Variants in CNTNAP2 observed in about 807,000 individuals in gnomAD.
The protein encoded by CNTNAP2 is contactin associated protein 2.
Under a neutral mutation model 155.2 loss-of-function variants are expected in CNTNAP2, and 98 were observed. The ratio of observed to expected loss-of-function variants is 0.63; its 90% CI spans 0.54 to 0.75. CNTNAP2 has a LOEUF of 0.75. CNTNAP2 is among the 30% of genes least tolerant of loss of function. The probability of loss-of-function intolerance (pLI) is 0.00; values close to 1 mark genes in which losing one functional copy is unlikely to be tolerated. For missense variants in CNTNAP2, 1,727 were observed against 1,688.1 expected, an observed-to-expected ratio of 1.02 and a Z score of -0.40; for synonymous variants, 651 against 631.2, an observed-to-expected ratio of 1.03 and a Z score of -0.47.
chr7:148,306,766 GGTGTGTGT>G (rs150027065), intron 21 of CNTNAP2, among the ~76,000 whole-genome samples: 3 of 149,714 alleles, frequency 2.0e-5, no homozygotes. Context: ...TTGGTTGGTT[GGTGTGTGT>G]GTGTGTGTGT....
intron 8 of CNTNAP2, among the ~76,000 whole-genome samples, chr7:147,157,281 T>C (rs1157865372): frequency 1.3e-5 from 2 of 152,132 alleles, no homozygotes. Context: ...TCTGTTGACA[T>C]GCAAATATTT....
chr7:147,464,053 G>A (rs974938929), intron 10 of CNTNAP2, among the ~76,000 whole-genome samples: 8 of 150,370 alleles, frequency 5.3e-5, no homozygotes, highest in South Asian at 2.1e-4. Flanking sequence ...CAATACATAT[G>A]TGTGTGCTTG....
At chr7:146,323,753 A>G (rs1376868926) in intron 1 of CNTNAP2, among the ~76,000 whole-genome samples, 1 of 152,172 alleles carries the variant, frequency 6.6e-6, no homozygotes, top group Non-Finnish European at 1.5e-5. Context: ...ATCCTGAAGG[A>G]ATAGCTTGTA....
At chr7:147,141,069 T>C (rs946083093) in intron 8 of CNTNAP2, among the ~76,000 whole-genome samples, 2 of 152,198 alleles carry the variant, frequency 1.3e-5, no homozygotes, top group Non-Finnish European at 2.9e-5. Flanking sequence ...TATCTTGCTA[T>C]GGCTCCAATA....
chr7:147,909,760 A>T (rs1021432148), intron 14 of CNTNAP2, among the ~76,000 whole-genome samples: 3 of 152,218 alleles, frequency 2.0e-5, no homozygotes, highest in African/African-American at 7.2e-5. Context: ...TGAAATTATC[A>T]GGGAAAGAAT....
intron 13 of CNTNAP2, among the ~76,000 whole-genome samples, chr7:147,834,458 C>T (rs1798603176): frequency 6.6e-6 from 1 of 152,108 alleles, no homozygotes; most frequent in East Asian, 1.9e-4. Flanking sequence ...GTAAAAATAC[C>T]CTCGTAATTC....
At chr7:146,470,498 T>C (rs1796781576) in intron 1 of CNTNAP2, among the ~76,000 whole-genome samples, 3 of 152,204 alleles carry the variant, frequency 2.0e-5, no homozygotes, top group Non-Finnish European at 4.4e-5. Flanking sequence ...GCCTCTTCTT[T>C]CCTGAATGAA....
chr7:147,416,263 C>T (rs1797191949), intron 10 of CNTNAP2, among the ~76,000 whole-genome samples: 1 of 152,180 alleles, frequency 6.6e-6, no homozygotes, highest in Non-Finnish European at 1.5e-5. Flanking sequence ...ATTAAGGCCA[C>T]ACAGCCTGAA....
At chr7:146,274,846 T>C (rs1800139356) in intron 1 of CNTNAP2, among the ~76,000 whole-genome samples, 1 of 152,208 alleles carries the variant, frequency 6.6e-6, no homozygotes, top group Non-Finnish European at 1.5e-5. Context: ...TGGGCTTTTG[T>C]TCCTTGTCTT....
intron 2 of CNTNAP2, among the ~76,000 whole-genome samples, chr7:146,779,040 TG>T (rs896429783): frequency 2.0e-5 from 3 of 152,162 alleles, no homozygotes; most frequent in African/African-American, 7.2e-5. Context: ...GAGCAGGTGC[TG>T]GGGAAGAAGT....
chr7:147,853,119 C>T (rs1798978720), intron 13 of CNTNAP2, among the ~76,000 whole-genome samples: 1 of 152,174 alleles, frequency 6.6e-6, no homozygotes, highest in African/African-American at 2.4e-5. Context: ...TTCATTGTCT[C>T]CTAATGTCAT....
At chr7:147,105,783 T>A (rs1232222701) in intron 4 of CNTNAP2, among the ~76,000 whole-genome samples, 1 of 152,066 alleles carries the variant, frequency 6.6e-6, no homozygotes, top group African/African-American at 2.4e-5. Flanking sequence ...TGGGAAAATA[T>A]GTTGAAACTT....
In CNTNAP2 at chr7:146,725,084, C is replaced by T. The variant is rs770200866; in HGVS notation, c.98-49187C>T. Among the ~76,000 whole-genome samples the T allele has an allele frequency of 7.8e-4, 118 of 152,084 alleles. 7 individuals are homozygous for T. Among genetic ancestry groups the T allele is most frequent in the Non-Finnish European group, 2.1e-4 (14 of 67,992 alleles). On this transcript the variant is annotated intron_variant, in intron 1 of 23. Coordinates refer to ENST00000361727, the MANE Select transcript of CNTNAP2 (RefSeq NM_014141.6). ...CTACTGGCGGTTGCTGTTAGTCCTT[C>T]GTGGACCTTCACTTGCAGGCTTATC...
chr7:146,172,457 C>T (rs1387426988), intron 1 of CNTNAP2, among the ~76,000 whole-genome samples: 1 of 151,956 alleles, frequency 6.6e-6, no homozygotes, highest in Non-Finnish European at 1.5e-5. Context: ...CCTTAGTGGT[C>T]CAGATTTCTC....
chr7:148,123,929 T>C (rs985275103), intron 16 of CNTNAP2, among the ~76,000 whole-genome samples: 1 of 152,176 alleles, frequency 6.6e-6, no homozygotes, highest in Non-Finnish European at 1.5e-5. Context: ...AGATTTAACA[T>C]GTAGAGGTCA....
At chr7:148,318,261 G>A (rs1797726443) in intron 21 of CNTNAP2, among the ~76,000 whole-genome samples, 1 of 152,164 alleles carries the variant, frequency 6.6e-6, no homozygotes, top group African/African-American at 2.4e-5. Flanking sequence ...ACCGCCCCCT[G>A]CAGAGAAGTC....
Position 147,383,548 on chromosome 7 carries a change from C to T in CNTNAP2, c.1499-12061C>T, listed in dbSNP as rs545673666. Among the ~76,000 whole-genome samples, 9 of 152,200 alleles carry T rather than the reference C, an allele frequency of 5.9e-5. No homozygotes were observed. In the East Asian group the frequency reaches 1.7e-3, roughly 29 times the overall value. On this transcript the variant is annotated intron_variant, in intron 9 of 23. Transcript: ENST00000361727. ...GAAACCCAAACACCACACGTTCTCA[C>T]TCATAAGTGGGAGTTGAACAATGAG...
chr7:147,408,794 A>G (rs936025653), intron 10 of CNTNAP2, among the ~76,000 whole-genome samples: 1 of 152,116 alleles, frequency 6.6e-6, no homozygotes, highest in Non-Finnish European at 1.5e-5. Context: ...GCATTACTAG[A>G]AAGACTGTAA....
Position 146,970,368 on chromosome 7 carries a change from AAAAC to A in CNTNAP2, c.403-73532_403-73529del, listed in dbSNP as rs1428278886. On this transcript the variant is annotated intron_variant, in intron 3 of 23. Coordinates refer to ENST00000361727, the MANE Select transcript of CNTNAP2 (RefSeq NM_014141.6). ...TGAACTCAAACAAATTTACAAGAAA[AAAAC>A]AAACAACCCCATCAAAAAGTGGGCA... Among the ~76,000 whole-genome samples the A allele has an allele frequency of 1.2e-4, 18 of 152,160 alleles. No individual in the cohort carries two copies. In the East Asian group the frequency reaches 2.5e-3, roughly 21 times the overall value.
Sources: allele counts gnomAD v4.1 joint callset (sites outside exome capture counted in the v4.1 genomes callset), GRCh38; gene constraint gnomAD v4.1.1; transcripts MANE v1.5; gene names NCBI Gene and HGNC (gene_info 2026-07-23, HGNC 2026-07-21).